CHODL: variants seen among roughly 807,000 people sequenced by gnomAD.
CHODL encodes chondrolectin.
In CHODL, 29 loss-of-function variants were observed where a neutral mutation model predicts 34.5. The observed-to-expected ratio is 0.84, with a 90% CI of 0.63 to 1.15. CHODL has a LOEUF of 1.15. CHODL is among the 50% of genes most tolerant of loss of function. The pLI, the probability that CHODL is intolerant of heterozygous loss-of-function variation, is 0.00. For missense variants in CHODL, 332 were observed against 332.5 expected (o/e 1.00, Z 0.01); for synonymous variants, 125 against 116.1 (o/e 1.08, Z -0.49).
intron 2 of CHODL, among the ~76,000 whole-genome samples, chr21:18,197,563 C>T (rs1037231318): frequency 6.6e-6 from 1 of 152,140 alleles, no homozygotes; most frequent in Non-Finnish European, 1.5e-5. Flanking sequence ...TTGCGGTGAG[C>T]CAGGATTGCA....
At chr21:17,961,840 C>G (rs1302550804) in intron 1 of CHODL, among the ~76,000 whole-genome samples, 2 of 152,122 alleles carry the variant, frequency 1.3e-5, no homozygotes, top group African/African-American at 4.8e-5. Context: ...AGAGAGGTCA[C>G]AAAAAGAATG....
chr21:18,217,110 GTGGAAGTGCATATATC>G (rs1363285909), intron 2 of CHODL, among the ~76,000 whole-genome samples: 4 of 152,182 alleles, frequency 2.6e-5, no homozygotes, highest in African/African-American at 9.7e-5. Flanking sequence ...TGGCATAAAT[GTGGAAGTGCATATATC>G]TTTTTGATAT....
At chr21:18,147,225 G>T (rs1178622666) in intron 2 of CHODL, among the ~76,000 whole-genome samples, 3 of 152,180 alleles carry the variant, frequency 2.0e-5, no homozygotes, top group Admixed American at 6.5e-5. Context: ...TTCTGGTTTG[G>T]TTATGTGTGT....
At chr21:18,090,236 A>C (rs1208509950) in intron 2 of CHODL, among the ~76,000 whole-genome samples, 2 of 152,210 alleles carry the variant, frequency 1.3e-5, no homozygotes, top group African/African-American at 4.8e-5. Context: ...AAACCAGTAG[A>C]TATTTCTTCT....
intron 2 of CHODL, among the ~76,000 whole-genome samples, chr21:18,235,092 A>G (rs2074016962): frequency 1.3e-5 from 2 of 152,124 alleles, no homozygotes; most frequent in African/African-American, 4.8e-5. Flanking sequence ...GTAAGATAAC[A>G]TAAGACAGTC....
At chr21:18,004,880 T>C (rs1348903811) in intron 1 of CHODL, among the ~76,000 whole-genome samples, 3 of 151,560 alleles carry the variant, frequency 2.0e-5, no homozygotes, top group African/African-American at 7.3e-5. Context: ...ATAGTAGCTA[T>C]TGTTATTTTT....
In CHODL at chr21:18,167,108, G is replaced by C. The variant is rs1055914625; in HGVS notation, c.-44-89401G>C. On this transcript the variant is annotated intron_variant, in intron 2 of 6. Transcript: ENST00000400127. Reference sequence around the variant, plus strand: ...TTTTAAAAATATGTTTATTTAATCAGATTTTTAAATATAGTTGTATACAGG... The same window carrying C: ...TTTTAAAAATATGTTTATTTAATCACATTTTTAAATATAGTTGTATACAGG... 1.1e-4 allele frequency among the ~76,000 whole-genome samples: 16 copies of C among 151,890 alleles called. No individual in the cohort carries two copies. In the South Asian group the frequency reaches 3.3e-3, roughly 32 times the overall value.
chr21:18,251,116 G>A (rs1011843023), intron 1 of CHODL, among the ~76,000 whole-genome samples: 1 of 151,318 alleles, frequency 6.6e-6, no homozygotes, highest in Non-Finnish European at 1.5e-5. Context: ...AAACTACCCT[G>A]ACTTCATGAG....
At chr21:17,953,121 A>G (rs1362078280) in intron 1 of CHODL, among the ~76,000 whole-genome samples, 2 of 152,210 alleles carry the variant, frequency 1.3e-5, no homozygotes, top group African/African-American at 4.8e-5. Flanking sequence ...TAATAAAATA[A>G]TATAAGATTT....
At chr21:18,169,174 G>T (rs1368329724) in intron 2 of CHODL, among the ~76,000 whole-genome samples, 2 of 151,982 alleles carry the variant, frequency 1.3e-5, no homozygotes, top group South Asian at 2.1e-4. Flanking sequence ...AAAATTTTTT[G>T]ATTACTAATT....
At chr21:17,976,266 C>T (rs138505562) in intron 1 of CHODL, among the ~76,000 whole-genome samples, 3 of 77,104 alleles carry the variant, frequency 3.9e-5, no homozygotes, top group African/African-American at 1.7e-4. Context: ...GTGAGACCAT[C>T]TCAGAAAAAA....
intron 2 of CHODL, among the ~76,000 whole-genome samples, chr21:18,087,435 T>C (rs2065020977): frequency 6.6e-6 from 1 of 151,950 alleles, no homozygotes; most frequent in East Asian, 1.9e-4. Flanking sequence ...TGACAAGAGA[T>C]GGAAAGGCCC....
chr21:17,983,014 C>T (rs946759702), intron 1 of CHODL, among the ~76,000 whole-genome samples: 2 of 151,906 alleles, frequency 1.3e-5, no homozygotes, highest in African/African-American at 4.8e-5. Flanking sequence ...TGTGAGCCAC[C>T]GCATTCATCG....
At chr21:18,155,640 A>G (rs1396944284) in intron 2 of CHODL, among the ~76,000 whole-genome samples, 1 of 152,216 alleles carries the variant, frequency 6.6e-6, no homozygotes, top group Non-Finnish European at 1.5e-5. Context: ...TAGAAATACA[A>G]GGCCATTGAG....
At chr21:18,212,592 A>G (rs1320017059) in intron 2 of CHODL, among the ~76,000 whole-genome samples, 1 of 152,106 alleles carries the variant, frequency 6.6e-6, no homozygotes, top group Non-Finnish European at 1.5e-5. Context: ...ACAGCTAAAC[A>G]ATTTTCTAAA....
At chr21:18,189,815 A>G (rs2146689514) in intron 2 of CHODL, among the ~76,000 whole-genome samples, 1 of 151,850 alleles carries the variant, frequency 6.6e-6, no homozygotes, top group South Asian at 2.1e-4. Flanking sequence ...TTGTATTTTT[A>G]GTAGAGACGG....
At chr21:18,103,608 C>T (rs2065240387) in intron 2 of CHODL, among the ~76,000 whole-genome samples, 1 of 152,116 alleles carries the variant, frequency 6.6e-6, no homozygotes, top group Non-Finnish European at 1.5e-5. Context: ...GATGGATGGG[C>T]TGCTATGGGC....
At chr21:18,193,707 A>AAAT (rs1555881281) in intron 2 of CHODL, among the ~76,000 whole-genome samples, 2 of 141,404 alleles carry the variant, frequency 1.4e-5, no homozygotes, top group Admixed American at 7.1e-5. Context: ...GAAAAAAAAA[A>AAAT]AAATAAAATA....
chr21:18,126,717 T>C (rs906532191), intron 2 of CHODL, among the ~76,000 whole-genome samples: 1 of 152,168 alleles, frequency 6.6e-6, no homozygotes, highest in African/African-American at 2.4e-5. Flanking sequence ...CTTAAAGAGT[T>C]GAAAATGGCA....
Sources: allele counts gnomAD v4.1 joint callset (sites outside exome capture counted in the v4.1 genomes callset), GRCh38; gene constraint gnomAD v4.1.1; transcripts MANE v1.5; gene names NCBI Gene and HGNC (gene_info 2026-07-23, HGNC 2026-07-21).